CTTN: variants seen among roughly 807,000 people sequenced by gnomAD.
CTTN encodes the protein cortactin, also known as src substrate cortactin.
Under a neutral mutation model 84.0 loss-of-function variants are expected in CTTN, and 28 were observed. The ratio of observed to expected loss-of-function variants is 0.33; its 90% CI spans 0.25 to 0.46. The LOEUF is 0.46. CTTN is among the 20% of genes least tolerant of loss of function. CTTN has a pLI of 1.00. For synonymous variants in CTTN, 301 were observed against 288.8 expected (o/e 1.04, Z -0.43); for missense variants, 641 against 723.8 (o/e 0.89, Z 1.31).
At chr11:70,413,117 C>T (rs985742070) in intron 5 of CTTN, among the ~76,000 whole-genome samples, 3 of 152,200 alleles carry the variant, frequency 2.0e-5, no homozygotes, top group Non-Finnish European at 4.4e-5. Context: ...AAGAAGAGGG[C>T]GCAGCACAGG....
intron 13 of CTTN, among the ~76,000 whole-genome samples, chr11:70,426,472 C>T (rs1332555216): frequency 1.3e-5 from 2 of 151,822 alleles, no homozygotes; most frequent in Non-Finnish European, 2.9e-5. Flanking sequence ...GAGACCGGGT[C>T]TTGCTGTGTC....
chr11:70,407,638 AGC>A (rs1198944069), intron 4 of CTTN, 47 bp downstream of exon 4: 2 of 1,575,796 alleles, frequency 1.3e-6, no homozygotes, highest in African/African-American at 2.7e-5. Context: ...CTGCGGATGG[AGC>A]CCCAGGTGCA....
At chr11:70,403,403 G>T (rs1001437927) in intron 1 of CTTN, among the ~76,000 whole-genome samples, 1 of 151,938 alleles carries the variant, frequency 6.6e-6, no homozygotes, top group African/African-American at 2.4e-5. Context: ...TGGCCAGGAT[G>T]GTCTCGATCT....
At chr11:70,404,453 G>GCCT (rs1458636497) in intron 1 of CTTN, among the ~76,000 whole-genome samples, 1 of 152,182 alleles carries the variant, frequency 6.6e-6, no homozygotes, top group Non-Finnish European at 1.5e-5. Context: ...AATGCAGCCC[G>GCCT]CCTCCTCCTC....
At chr11:70,412,270 A>G (rs1347352875) in intron 5 of CTTN, among the ~76,000 whole-genome samples, 1 of 152,148 alleles carries the variant, frequency 6.6e-6, no homozygotes, top group Non-Finnish European at 1.5e-5. Flanking sequence ...CTACAAAAAC[A>G]TAATTAACTG....
At chr11:70,404,404 G>T (rs929748704) in intron 1 of CTTN, among the ~76,000 whole-genome samples, 1 of 152,156 alleles carries the variant, frequency 6.6e-6, no homozygotes, top group African/African-American at 2.4e-5. Context: ...GGGAGCTGGA[G>T]TCTTGCTCCC....
chr11:70,419,765 C>T lies in CTTN; in HGVS notation c.588C>T (p.Gly196=), dbSNP rs754117137. ...ESQRDYSKGF[G]GKYGIDKDKV... is the part of the protein sequence containing the mutation. ...TTTTAGATTACTCCAAAGGTTTCGG[C>T]GGCAAATACGGTATCGACAAGGACA... Residue 196 remains glycine (G), a synonymous_variant, in exon 9 of 18, where the codon GGC becomes GGT. Coordinates refer to ENST00000301843, the MANE Select transcript of CTTN (RefSeq NM_005231.4). The T allele has an allele frequency of 4.3e-6, 7 of 1,610,132 alleles. No homozygotes were observed. In the African/African-American group the frequency reaches 5.4e-5, roughly 12 times the overall value.
Position 70,409,935 on chromosome 11 carries a change from G to A in CTTN, c.266G>A (p.Gly89Asp). ...TCCCATGGCTATGGAGGGAAATTTGGTGTGGAACAAGACCGAATGGATAAG... is the reference window on the plus strand; with the variant it reads ...TCCCATGGCTATGGAGGGAAATTTGATGTGGAACAAGACCGAATGGATAAG... ...KASHGYGGKF[G>D]VEQDRMDKSA... Residue 89 changes from glycine (G) to aspartate (D), a missense_variant, in exon 5 of 18, where the codon GGT becomes GAT. By Grantham distance (94) the Gly-to-Asp change is moderately conservative (BLOSUM62 -1). Coordinates refer to ENST00000301843, the MANE Select transcript of CTTN (RefSeq NM_005231.4). 1 of 1,614,054 alleles carries A rather than the reference G, an allele frequency of 6.2e-7. No individual in the cohort carries two copies. The highest frequency in any genetic ancestry group is 1.1e-5 in the South Asian group (1 of 91,080).
chr11:70,433,189 A>C lies in CTTN; in HGVS notation c.1355A>C (p.Asp452Ala). 6.2e-7 allele frequency: 1 copy of C among 1,613,570 alleles called. No homozygotes were observed. Residue 452 changes from aspartate to alanine, a missense_variant, in exon 16 of 18, where the codon GAC (aspartate) becomes GCC (alanine). Around this residue, in one of 3 missense-constraint regions of CTTN, gnomAD observed 289 missense variants for 273.1 expected, o/e 1.06. Transcript: ENST00000301843. ...CCCGTGTACAGCATGGAGGCCGCTGACTACCGAGAGGCCAGCAGCCAGCAG... is the reference window on the plus strand; with the variant it reads ...CCCGTGTACAGCATGGAGGCCGCTGCCTACCGAGAGGCCAGCAGCCAGCAG... ...PEPVYSMEAADYREASSQQGL... is the reference protein window; with the variant it reads ...PEPVYSMEAAAYREASSQQGL...
chr11:70,402,138 G>A (rs1392824682), intron 1 of CTTN, among the ~76,000 whole-genome samples: 1 of 152,202 alleles, frequency 6.6e-6, no homozygotes, highest in Non-Finnish European at 1.5e-5. Context: ...AGGCAACAGA[G>A]CAAGACTGTC....
chr11:70,418,161 G>A (rs1019712639), intron 8 of CTTN, among the ~76,000 whole-genome samples: 10 of 152,212 alleles, frequency 6.6e-5, no homozygotes, highest in Admixed American at 5.9e-4. Context: ...AAACACCACT[G>A]GAAGATCCGA....
intron 6 of CTTN, 29 bp from the exon 7 acceptor site, chr11:70,415,634 A>T (rs200123315): frequency 1.2e-5 from 19 of 1,599,652 alleles, no homozygotes; most frequent in African/African-American, 2.7e-5. Flanking sequence ...ATTTCTCCCC[A>T]CTTTTTCATG....
intron 1 of CTTN, among the ~76,000 whole-genome samples, chr11:70,400,583 A>T (rs1420343488): frequency 6.6e-6 from 1 of 152,216 alleles, no homozygotes; most frequent in Admixed American, 6.5e-5. Flanking sequence ...GGCCCAGCTA[A>T]AGCTGACTTT....
intron 4 of CTTN, chr11:70,408,151 T>C (rs1412283182): frequency 1.3e-5 from 2 of 152,074 alleles, no homozygotes; most frequent in East Asian, 3.9e-4. Flanking sequence ...CGTCAGAAAG[T>C]GTAGATAAAA....
At chr11:70,401,893 G>A (rs2057988000) in intron 1 of CTTN, among the ~76,000 whole-genome samples, 1 of 152,098 alleles carries the variant, frequency 6.6e-6, no homozygotes, top group Middle Eastern at 3.2e-3. Flanking sequence ...GTTCGTGCCT[G>A]TAATCCCAGC....
chr11:70,419,111 A>G (rs1488649006), intron 8 of CTTN, among the ~76,000 whole-genome samples: 8 of 118,418 alleles, frequency 6.8e-5, no homozygotes, highest in Non-Finnish European at 1.4e-4. Context: ...TTTTTTCTTA[A>G]TTCTTTTTTT....
At chr11:70,413,509 C>T (rs968897933) in intron 5 of CTTN, among the ~76,000 whole-genome samples, 3 of 152,194 alleles carry the variant, frequency 2.0e-5, no homozygotes, top group Admixed American at 1.3e-4. Context: ...ATCACACAAG[C>T]AGCTGTGGAC....
In CTTN at chr11:70,436,077, T is replaced by C. The variant is rs1191020952; in HGVS notation, c.*915T>C. 1 of 1,424,890 alleles carries C rather than the reference T, an allele frequency of 7.0e-7. No homozygotes were observed. Among genetic ancestry groups the C allele is most frequent in the Non-Finnish European group, 9.1e-7 (1 of 1,095,456 alleles). 88.3% of individuals were successfully genotyped at this position (1,424,890 alleles called of 1,614,324 possible). A position where few individuals can be genotyped will look rare whatever the true frequency, so the allele number is the denominator to read the frequency against. On this transcript the variant is annotated 3_prime_UTR_variant, in exon 18 of 18. Transcript: ENST00000301843. ...CTCTCGGCCTTGGGAAGGAAGGCAG[T>C]GCCTGCTCTGCTGTGAGCCGCCAGG...
intron 7 of CTTN, 63 bp from the exon 8 acceptor site, chr11:70,416,950 A>T: frequency 8.4e-7 from 1 of 1,188,906 alleles, no homozygotes; most frequent in Non-Finnish European, 1.3e-6. Context: ...TGCTTAGTTT[A>T]ACAAAAGGAA....
Sources: allele counts gnomAD v4.1 joint callset (sites outside exome capture counted in the v4.1 genomes callset), GRCh38; gene constraint gnomAD v4.1.1; regional missense constraint gnomAD v4.1.1; transcripts MANE v1.5; gene names NCBI Gene and HGNC (gene_info 2026-07-23, HGNC 2026-07-21).